The following PEX5 variants were observed in gnomAD, a reference collection of about 807,000 sequenced individuals.
The protein encoded by PEX5 is PTS1 receptor.
A neutral mutation model predicts 82.9 loss-of-function variants in PEX5; 52 were observed. The observed-to-expected ratio is 0.63, with a 90% CI of 0.50 to 0.79. The LOEUF (loss-of-function observed/expected upper bound fraction) is 0.79. Among genes scored for constraint, PEX5 ranks in the 30% least tolerant of loss-of-function variants. The pLI, the probability that PEX5 is intolerant of heterozygous loss-of-function variation, is 0.00. For synonymous variants in PEX5, 300 were observed against 318.8 expected (o/e 0.94, Z 0.63); for missense variants, 719 against 815.2 (o/e 0.88, Z 1.44).
chr12:7,212,457 G>T (rs1176831086), downstream of PEX5, among the ~76,000 whole-genome samples: 2 of 58,258 alleles, frequency 3.4e-5, no homozygotes, highest in Admixed American at 2.6e-4. Context: ...GAGCTCAAAA[G>T]CTGCCAGAAA....
At chr12:7,197,467 A>G (rs960455758) in intron 5 of PEX5, among the ~76,000 whole-genome samples, 3 of 143,050 alleles carry the variant, frequency 2.1e-5, no homozygotes, top group South Asian at 2.2e-4. Flanking sequence ...TAATAATTAT[A>G]TATGTTATAT....
intron 5 of PEX5, among the ~76,000 whole-genome samples, chr12:7,198,111 C>T (rs953380976): frequency 6.6e-6 from 1 of 152,112 alleles, no homozygotes. Context: ...AGTTCAGCAC[C>T]CTCATTGAGT....
rs1430039048 is a variant in PEX5, at chr12:7,202,120, A to G, written c.643-121A>G. On this transcript the variant is annotated intron_variant, in intron 7 of 15. Coordinates refer to ENST00000675855, the MANE Select transcript of PEX5 (RefSeq NM_001351132.2). The stretch of plus-strand genomic sequence containing the variant: ...CTACCTCTTTTAGGGTCTTTAGCAT[A>G]TCTTGTCTGCAGCTAGAGATGGTCA... 2.7e-6 allele frequency: 4 copies of G among 1,480,772 alleles called. No homozygotes were observed. The Admixed American group carries it at 6.9e-5, about 26-fold the overall frequency. The allele number at this position is 1,480,772 out of a possible 1,614,324, so 91.7% of individuals were successfully genotyped here. A position where few individuals can be genotyped will look rare whatever the true frequency, so the allele number is the denominator to read the frequency against.
intron 5 of PEX5, among the ~76,000 whole-genome samples, chr12:7,192,396 G>A (rs887658886): frequency 2.0e-5 from 3 of 152,176 alleles, no homozygotes; most frequent in African/African-American, 7.2e-5. Context: ...ATGCTATACT[G>A]TCAGGCCTGC....
downstream of PEX5, among the ~76,000 whole-genome samples, chr12:7,212,464 G>GAAAA (rs5796271): frequency 1.1e-4 from 11 of 96,268 alleles, no homozygotes; most frequent in African/African-American, 2.7e-4. Flanking sequence ...AAAGCTGCCA[G>GAAAA]AAAAAAAAAA....
At chr12:7,191,130 C>T in intron 3 of PEX5, 96 bp from the exon 4 acceptor site, 1 of 1,425,500 alleles carries the variant, frequency 7.0e-7, no homozygotes, top group Non-Finnish European at 9.9e-7. Flanking sequence ...TTTTCCTTTC[C>T]TTGTATCTAA....
intron 7 of PEX5, 161 bp from the exon 8 acceptor site, chr12:7,202,080 C>A: frequency 8.6e-7 from 1 of 1,159,794 alleles, no homozygotes; most frequent in East Asian, 2.5e-5. Context: ...CCAGAAATCC[C>A]TTTCTTTTTG....
chr12:7,198,103 T>A (rs1030321451), intron 5 of PEX5, among the ~76,000 whole-genome samples: 16 of 152,148 alleles, frequency 1.1e-4, no homozygotes, highest in Admixed American at 8.5e-4. Flanking sequence ...TGAAAAACAG[T>A]TCAGCACCCT....
intron 3 of PEX5, 64 bp downstream of exon 3, chr12:7,190,987 C>T: frequency 2.0e-6 from 3 of 1,466,306 alleles, no homozygotes; most frequent in Non-Finnish European, 2.9e-6. Context: ...TACCTTTAAA[C>T]TTAGTTCACC....
At position 7,210,463 on chromosome 12, in the gene PEX5, C is replaced by T. The variant is rs892380155; in HGVS notation, c.*240C>T. 19 of 597,060 alleles carry T rather than the reference C, an allele frequency of 3.2e-5. No homozygotes were observed. The highest frequency in any genetic ancestry group is 1.5e-4 in the African/African-American group (8 of 54,146). 37.0% of individuals were successfully genotyped at this position (597,060 alleles called of 1,614,324 possible). A position where few individuals can be genotyped will look rare whatever the true frequency, so the allele number is the denominator to read the frequency against. On this transcript the variant is annotated 3_prime_UTR_variant, in exon 16 of 16. Transcript: ENST00000675855. The stretch of plus-strand genomic sequence containing the variant: ...AATTCAAGGGCTGTACATCCAGCTA[C>T]AGATCTCTCTGCTCATCATGCCCTT...
chr12:7,201,192 CAT>C (rs770896825), intron 6 of PEX5, among the ~76,000 whole-genome samples: 1,884 of 148,660 alleles, frequency 0.013, 22 homozygotes, highest in African/African-American at 0.026. Flanking sequence ...CACACGCATA[CAT>C]ACACATACAT....
exon 18 of PEX5, chr12:7,218,544 G>T (rs1044018805): frequency 1.3e-4 from 20 of 152,172 alleles, no homozygotes; most frequent in African/African-American, 4.6e-4. Flanking sequence ...AACAATAGAT[G>T]AAAATTATTA....
intron 15 of PEX5, 44 bp from the exon 16 acceptor site, chr12:7,209,978 T>A (rs1945342381): frequency 6.2e-7 from 1 of 1,606,818 alleles, no homozygotes; most frequent in African/African-American, 1.3e-5. Flanking sequence ...CTTCCTTCCA[T>A]TGTTGTTCAG....
At chr12:7,189,995 T>G in intron 1 of PEX5, 1 of 1,502,560 alleles carries the variant, frequency 6.7e-7, no homozygotes, top group Non-Finnish European at 8.8e-7. Context: ...GGTCGGGCTG[T>G]TTTCCCACTG....
At position 7,202,801 on chromosome 12, in the gene PEX5, A is replaced by G. The variant is rs1944270830; in HGVS notation, c.846+97A>G. 4.5e-6 allele frequency: 4 copies of G among 892,582 alleles called. No individual in the cohort carries two copies. In the South Asian group the frequency reaches 5.4e-5, roughly 12 times the overall value. 55.3% of individuals were successfully genotyped at this position (892,582 alleles called of 1,614,324 possible). A position where few individuals can be genotyped will look rare whatever the true frequency, so the allele number is the denominator to read the frequency against. On this transcript the variant is annotated intron_variant, in intron 9 of 15. Transcript: ENST00000675855. Reference sequence around the variant, plus strand: ...TCAAAGATGATGCAAATTGTATTTCATAGTGGACCTGGATCATCTGTGTCA... The same window carrying G: ...TCAAAGATGATGCAAATTGTATTTCGTAGTGGACCTGGATCATCTGTGTCA...
In PEX5 at chr12:7,196,366, CAT is replaced by C. The variant is rs1466738762; in HGVS notation, c.449-2639_449-2638del. Reference sequence around the variant, plus strand: ...TCATATATAATTTAATTATATATGACATATATAATGTAATAATTATGTGTCAT... The same window carrying C: ...TCATATATAATTTAATTATATATGACATATAATGTAATAATTATGTGTCAT... On this transcript the variant is annotated intron_variant, in intron 5 of 15. Coordinates refer to ENST00000675855, the MANE Select transcript of PEX5 (RefSeq NM_001351132.2). 1.3e-3 allele frequency among the ~76,000 whole-genome samples: 173 copies of C among 134,798 alleles called. No individual in the cohort carries two copies. The East Asian group carries it at 0.013, about 10-fold the overall frequency. 88.4% of individuals were successfully genotyped at this position (134,798 alleles called of 152,430 possible).
At chr12:7,206,855 C>T (rs779133480) in intron 10 of PEX5, among the ~76,000 whole-genome samples, 5 of 152,224 alleles carry the variant, frequency 3.3e-5, no homozygotes, top group African/African-American at 1.2e-4. Flanking sequence ...GGTAACTACT[C>T]TCCAAAAACG....
chr12:7,197,365 TTA>T (rs1167552097), intron 5 of PEX5, among the ~76,000 whole-genome samples: 17 of 62,036 alleles, frequency 2.7e-4, no homozygotes, highest in African/African-American at 7.2e-4. Context: ...AATGTAATAA[TTA>T]TATATGTCAT....
Position 7,202,406 on chromosome 12 carries a change from A to G in PEX5, c.753+55A>G, listed in dbSNP as rs780747387. 7.5e-5 allele frequency: 120 copies of G among 1,604,716 alleles called. 1 individual carries two copies. The South Asian group carries it at 1.2e-3, about 17-fold the overall frequency. Reference sequence around the variant, plus strand: ...TCAGAGCCAGCTGATGCCCCAGGCCATGGGTTCAGTGGTCAGTGGTCCCAG... The same window carrying G: ...TCAGAGCCAGCTGATGCCCCAGGCCGTGGGTTCAGTGGTCAGTGGTCCCAG... On this transcript the variant is annotated intron_variant, in intron 8 of 15. Transcript: ENST00000675855.
Sources: allele counts gnomAD v4.1 joint callset (sites outside exome capture counted in the v4.1 genomes callset), GRCh38; gene constraint gnomAD v4.1.1; transcripts MANE v1.5; gene names NCBI Gene and HGNC (gene_info 2026-07-23, HGNC 2026-07-21).